Variants in BCL7C observed in about 807,000 individuals in gnomAD.
The protein encoded by BCL7C is B-cell CLL/lymphoma 7 protein family member C.
BCL7C carries 8 observed loss-of-function variants against 26.2 expected under a neutral mutation model. The ratio of observed to expected loss-of-function variants is 0.30; its 90% CI spans 0.18 to 0.55. The LOEUF is 0.55. Ranked by LOEUF, BCL7C falls within the 20% of genes least tolerant of loss-of-function variation. The pLI is 0.93. For synonymous variants in BCL7C, 90 were observed against 116.5 expected, an observed-to-expected ratio of 0.77 and a Z score of 1.47; for missense variants, 262 against 298.5, an observed-to-expected ratio of 0.88 and a Z score of 0.90.
chr16:30,870,397 C>T (rs1004786360), intron 5 of BCL7C, among the ~76,000 whole-genome samples: 1 of 152,172 alleles, frequency 6.6e-6, no homozygotes, highest in African/African-American at 2.4e-5. Context: ...CAGAGGCTCA[C>T]ACCTGTAATC....
At chr16:30,888,742 G>T in intron 5 of BCL7C, 118 bp downstream of exon 5, 1 of 891,814 alleles carries the variant, frequency 1.1e-6, no homozygotes, top group South Asian at 1.6e-5. Context: ...TAAGCCTTCA[G>T]CTCTGTCCCA....
chr16:30,882,837 G>T (rs1342970787), downstream of BCL7C, among the ~76,000 whole-genome samples: 1 of 152,190 alleles, frequency 6.6e-6, no homozygotes, highest in Non-Finnish European at 1.5e-5. Context: ...GAAGAAAGGG[G>T]CTAACTGGAA....
rs1045612947 is a variant in BCL7C at position 30,834,841 on chromosome 16, G to C, written c.*107C>G. 2.4e-5 allele frequency: 27 copies of C among 1,147,412 alleles called. No individual in the cohort carries two copies. The highest frequency in any genetic ancestry group is 6.3e-5 in the African/African-American group (4 of 63,652). 71.1% of individuals were successfully genotyped at this position (1,147,412 alleles called of 1,614,324 possible). A position where few individuals can be genotyped will look rare whatever the true frequency, so the allele number is the denominator to read the frequency against. On this transcript the variant is annotated 3_prime_UTR_variant, in exon 6 of 6. Coordinates refer to the BCL7C transcript ENST00000380317. This position sits in a 1 kb window ranked among gnomAD's most constrained non-coding sequence, Gnocchi z 4.3. ...GCCGCTCGCCCTCCGATGTTACCGC[G>C]GTGGGTGAGCTGGGAAGCTCTTTCC...
Position 30,864,537 on chromosome 16 carries a change from C to T in BCL7C, c.528+24323G>A, listed in dbSNP as rs534408596. Among the ~76,000 whole-genome samples, 4 of 151,830 alleles carry T rather than the reference C, an allele frequency of 2.6e-5. No individual in the cohort carries two copies. The East Asian group carries it at 7.7e-4, about 29-fold the overall frequency. On this transcript the variant is annotated intron_variant, in intron 5 of 5. Transcript: ENST00000380317. ...CCCACTGTAGGTTCCCACGCTGCCC[C>T]TAATCCTGCTCGAAGCAGCCCTGAG...
chr16:30,878,115 C>T (rs557460256), intron 5 of BCL7C, among the ~76,000 whole-genome samples: 1 of 151,838 alleles, frequency 6.6e-6, no homozygotes, highest in African/African-American at 2.4e-5. Context: ...GCGGAGGTTG[C>T]AGTGACCCAA....
At chr16:30,857,387 C>CAAA (rs71149059) in intron 5 of BCL7C, among the ~76,000 whole-genome samples, 1 of 90,352 alleles carries the variant, frequency 1.1e-5, no homozygotes, top group African/African-American at 4.3e-5. Flanking sequence ...GACTCCATCT[C>CAAA]AAAAAAAAAA....
Position 30,834,011 on chromosome 16 carries a change from G to C in BCL7C, c.*937C>G, listed in dbSNP as rs1231714251. On this transcript the variant is annotated 3_prime_UTR_variant, in exon 6 of 6. Coordinates refer to the BCL7C transcript ENST00000380317. This position sits in a 1 kb window ranked among gnomAD's most constrained non-coding sequence, Gnocchi z 4.3. Reference sequence around the variant, plus strand: ...TATCCATGCCACAGGGATGCAGTGAGAACTAAATTACATCAGTCACAATGC... The same window carrying C: ...TATCCATGCCACAGGGATGCAGTGACAACTAAATTACATCAGTCACAATGC... 1 of 152,186 alleles carries C rather than the reference G, an allele frequency of 6.6e-6. No homozygotes were observed. Among genetic ancestry groups the C allele is most frequent in the Non-Finnish European group, 1.5e-5 (1 of 68,048 alleles). The allele number at this position is 152,186 out of a possible 1,614,324, so 9.4% of individuals were successfully genotyped here.
chr16:30,888,506 T>A (rs2055171988), intron 5 of BCL7C, among the ~76,000 whole-genome samples: 1 of 151,148 alleles, frequency 6.6e-6, no homozygotes, highest in Non-Finnish European at 1.5e-5. Context: ...CCGGCTAATT[T>A]TTGTATTTTT....
intron 5 of BCL7C, among the ~76,000 whole-genome samples, chr16:30,865,879 A>C (rs967741756): frequency 7.7e-6 from 1 of 130,412 alleles, no homozygotes; most frequent in Non-Finnish European, 1.6e-5. Context: ...GGCGCCCGCC[A>C]CAGTGCCCTA....
exon 6 of BCL7C, chr16:30,835,009 G>A (rs886738821): frequency 7.7e-6 from 12 of 1,548,994 alleles, no homozygotes; most frequent in Non-Finnish European, 1.0e-5. Flanking sequence ...GCCTCCCCCG[G>A]GAGCTCTGGT....
intron 5 of BCL7C, among the ~76,000 whole-genome samples, chr16:30,868,851 A>T (rs2054856138): frequency 6.6e-6 from 1 of 151,682 alleles, no homozygotes; most frequent in South Asian, 2.1e-4. Context: ...AAATAATACA[A>T]CAGCAAAAAA....
intron 5 of BCL7C, among the ~76,000 whole-genome samples, chr16:30,871,188 A>C (rs1338131083): frequency 6.6e-6 from 1 of 152,180 alleles, no homozygotes. Context: ...CTTCCCAAGT[A>C]GCTAGAAACT....
chr16:30,850,016 TG>T (rs1156793083), intron 5 of BCL7C, among the ~76,000 whole-genome samples: 1 of 151,830 alleles, frequency 6.6e-6, no homozygotes, highest in South Asian at 2.1e-4. Context: ...AAGACCATCC[TG>T]GCTAACACAG....
At chr16:30,869,361 A>G (rs944582587) in intron 5 of BCL7C, among the ~76,000 whole-genome samples, 1 of 151,894 alleles carries the variant, frequency 6.6e-6, no homozygotes, top group African/African-American at 2.4e-5. Context: ...GGCGCCTGCC[A>G]CTGTGCCCAG....
chr16:30,847,346 G>T (rs1001975605), intron 5 of BCL7C, among the ~76,000 whole-genome samples: 1 of 152,202 alleles, frequency 6.6e-6, no homozygotes, highest in African/African-American at 2.4e-5. Context: ...TCCCTTGTGA[G>T]TGGAAGTAGC....
intron 5 of BCL7C, among the ~76,000 whole-genome samples, chr16:30,888,557 G>C (rs1443436493): frequency 6.6e-6 from 1 of 151,498 alleles, no homozygotes; most frequent in Non-Finnish European, 1.5e-5. Context: ...GGATGGTCTC[G>C]ATCTCCTGAC....
intron 5 of BCL7C, chr16:30,835,259 G>T: frequency 9.7e-7 from 1 of 1,035,086 alleles, no homozygotes; most frequent in Non-Finnish European, 1.3e-6. Context: ...TTGGTGGAAA[G>T]TCTTTTGCAA....
In BCL7C at chr16:30,893,064, G is replaced by A. The variant is rs984059250; in HGVS notation, c.172-116C>T. On this transcript the variant is annotated intron_variant, in intron 2 of 5. Coordinates refer to ENST00000215115, the MANE Select transcript of BCL7C (RefSeq NM_004765.4). The surrounding 1 kb of genome is among the most constrained non-coding windows in gnomAD (Gnocchi z 5.2). ...CTCAGGGGGTGTGGAGCAGAAAAGA[G>A]GGCAAAAGGGGAGGAGCTGCTAATG... 11 of 1,232,232 alleles carry A rather than the reference G, an allele frequency of 8.9e-6. No homozygotes were observed. In the Admixed American group the frequency reaches 2.2e-4, roughly 25 times the overall value. The allele number at this position is 1,232,232 out of a possible 1,614,324, so 76.3% of individuals were successfully genotyped here.
At chr16:30,835,640 G>T (rs1482176137) in intron 5 of BCL7C, among the ~76,000 whole-genome samples, 1 of 151,634 alleles carries the variant, frequency 6.6e-6, no homozygotes, top group Admixed American at 6.6e-5. Context: ...GAGGTCAGGA[G>T]TTGGAGACCA....
Sources: allele counts gnomAD v4.1 joint callset (sites outside exome capture counted in the v4.1 genomes callset), GRCh38; gene constraint gnomAD v4.1.1; non-coding constraint Gnocchi (gnomAD v3.1); transcripts MANE v1.5; gene names NCBI Gene and HGNC (gene_info 2026-07-23, HGNC 2026-07-21).